Variants in YLPM1 observed in about 807,000 individuals in gnomAD.
YLPM1 encodes the protein YLP motif-containing protein 1.
Under a neutral mutation model 230.0 loss-of-function variants are expected in YLPM1, and 99 were observed. The ratio of observed to expected loss-of-function variants is 0.43; its 90% CI spans 0.37 to 0.51. The LOEUF (loss-of-function observed/expected upper bound fraction) is 0.51. YLPM1 is among the 20% of genes least tolerant of loss of function. The pLI is 0.00. For synonymous variants in YLPM1, 984 were observed against 942.5 expected, an observed-to-expected ratio of 1.04 and a Z score of -0.81; for missense variants, 2,592 against 2,707.7, an observed-to-expected ratio of 0.96 and a Z score of 0.95.
Position 74,797,666 on chromosome 14 carries a change from C to G in YLPM1, c.2369C>G (p.Pro790Arg), listed in dbSNP as rs1566750894. 3.1e-6 allele frequency: 5 copies of G among 1,599,350 alleles called. No homozygotes were observed. The highest frequency in any genetic ancestry group is 1.1e-5 in the South Asian group (1 of 90,124). The part of the protein sequence containing the change: ...PKGPRFEGNR[P>R]DGPRPRYEGH... ...GGGCCTCGTTTTGAAGGAAATCGCCCCGATGGGCCAAGACCCAGATATGAA... is the reference window on the plus strand; with the variant it reads ...GGGCCTCGTTTTGAAGGAAATCGCCGCGATGGGCCAAGACCCAGATATGAA... The change falls in exon 5 of 21, where the codon CCC (proline) becomes CGC (arginine). Residue 790 changes from proline (P) to arginine (R), a missense_variant. Pro to Arg is a moderately radical substitution (Grantham distance 103). Coordinates refer to ENST00000325680, the MANE Select transcript of YLPM1 (RefSeq NM_019589.3).
chr14:74,821,172 C>G, intron 17 of YLPM1, 35 bp downstream of exon 17: 1 of 1,517,606 alleles, frequency 6.6e-7, no homozygotes, highest in Non-Finnish European at 8.8e-7. Flanking sequence ...AACAGTGTCT[C>G]TTTATTAAAA....
intron 4 of YLPM1, among the ~76,000 whole-genome samples, chr14:74,787,391 C>A (rs2091160436): frequency 6.6e-6 from 1 of 150,452 alleles, no homozygotes; most frequent in African/African-American, 2.4e-5. Context: ...GGTGAAGCCC[C>A]AGCTCTACCA....
intron 11 of YLPM1, among the ~76,000 whole-genome samples, chr14:74,813,287 A>C (rs537266176): frequency 1.3e-5 from 2 of 152,186 alleles, no homozygotes; most frequent in African/African-American, 4.8e-5. Context: ...TTTGCCTACT[A>C]TTACTATATA....
chr14:74,772,218 T>C (rs113912797), intron 1 of YLPM1, among the ~76,000 whole-genome samples: 16 of 103,886 alleles, frequency 1.5e-4, no homozygotes, highest in African/African-American at 4.1e-4. Context: ...AACATCTTTC[T>C]TTTTTTTTTT....
intron 6 of YLPM1, among the ~76,000 whole-genome samples, chr14:74,806,555 C>T (rs964735001): frequency 6.6e-6 from 1 of 152,106 alleles, no homozygotes; most frequent in Non-Finnish European, 1.5e-5. Context: ...TGCGCTCCAG[C>T]CTGGGCAACA....
At chr14:74,818,904 A>T (rs1380207204) in intron 16 of YLPM1, among the ~76,000 whole-genome samples, 1 of 128,048 alleles carries the variant, frequency 7.8e-6, no homozygotes, top group Non-Finnish European at 1.9e-5. Context: ...CCTCAATTTG[A>T]ATTTGTCTGT....
intron 17 of YLPM1, among the ~76,000 whole-genome samples, chr14:74,823,165 T>TA (rs2091535942): frequency 6.6e-6 from 1 of 151,976 alleles, no homozygotes; most frequent in African/African-American, 2.4e-5. Context: ...AGTAAACTCT[T>TA]ACACAGAAGC....
intron 7 of YLPM1, 44 bp from the exon 8 acceptor site, chr14:74,809,866 T>G: frequency 2.5e-6 from 4 of 1,605,374 alleles, no homozygotes; most frequent in Non-Finnish European, 3.4e-6. Flanking sequence ...TAGCTTTCTC[T>G]AGCTTCACTC....
In YLPM1 at chr14:74,810,231, C is replaced by T; in HGVS notation, c.5039C>T (p.Ala1680Val). 6.2e-7 allele frequency: 1 copy of T among 1,613,066 alleles called. No individual in the cohort carries two copies. Among genetic ancestry groups the T allele is most frequent in the South Asian group, 1.1e-5 (1 of 90,972 alleles). Residue 1680 changes from alanine to valine, a missense_variant, in exon 9 of 21, where the codon GCA becomes GTA. By Grantham distance (64) the Ala-to-Val change is moderately conservative (BLOSUM62 0). Around this residue, in one of 4 missense-constraint regions of YLPM1, gnomAD observed 403 missense variants for 426.7 expected, o/e 0.94. Transcript: ENST00000325680. ...PERSTFETEH[A>V]GQRDRYDRER... The stretch of plus-strand genomic sequence containing the variant: ...GTACTAATTGTTTTTGTAGAGCATG[C>T]AGGCCAACGTGATCGTTATGATAGA...
chr14:74,785,961 A>C (rs1566744808), intron 4 of YLPM1, among the ~76,000 whole-genome samples: 1 of 152,144 alleles, frequency 6.6e-6, no homozygotes, highest in Non-Finnish European at 1.5e-5. Flanking sequence ...ATATCAATGG[A>C]TGTTGGTTTT....
intron 1 of YLPM1, among the ~76,000 whole-genome samples, chr14:74,768,307 T>A (rs2090934413): frequency 1.3e-5 from 2 of 152,196 alleles, no homozygotes; most frequent in South Asian, 4.1e-4. Flanking sequence ...TGGAGTGCAG[T>A]GGTGAAATCT....
At chr14:74,785,552 A>G (rs975940663) in intron 4 of YLPM1, among the ~76,000 whole-genome samples, 3 of 152,358 alleles carry the variant, frequency 2.0e-5, no homozygotes, top group Non-Finnish European at 4.4e-5. Flanking sequence ...GTGAGTGAAC[A>G]AGACTGAGGT....
At chr14:74,768,779 G>T (rs1261190416) in intron 1 of YLPM1, among the ~76,000 whole-genome samples, 2 of 152,122 alleles carry the variant, frequency 1.3e-5, no homozygotes, top group African/African-American at 2.4e-5. Flanking sequence ...TTTCAGTTGT[G>T]GGGGAAGGGA....
intron 1 of YLPM1, 52 bp from the exon 2 acceptor site, chr14:74,778,395 G>T (rs527938375): frequency 2.0e-6 from 3 of 1,493,482 alleles, no homozygotes; most frequent in South Asian, 2.5e-5. Flanking sequence ...ACACCAAGTT[G>T]CAGAGATACA....
At chr14:74,810,194 T>C in intron 8 of YLPM1, 31 bp from the exon 9 acceptor site, 2 of 1,600,590 alleles carry the variant, frequency 1.2e-6, no homozygotes, top group Admixed American at 1.7e-5. Context: ...ATAAAAGGGA[T>C]ATAGTTATTT....
intron 19 of YLPM1, among the ~76,000 whole-genome samples, chr14:74,831,336 G>A (rs1438954280): frequency 6.6e-6 from 1 of 152,134 alleles, no homozygotes; most frequent in African/African-American, 2.4e-5. Flanking sequence ...TTCAAAGGAT[G>A]GGTAAGGGAG....
rs1183559272 is a variant in YLPM1 at position 74,799,340 on chromosome 14, A to T, written c.4043A>T (p.Asp1348Val). The change falls in exon 5 of 21, where the codon GAT becomes GTT. Residue 1348 changes from aspartate (D) to valine (V), a missense_variant. By Grantham distance (152) the Asp-to-Val change is radical. This residue lies in a region of YLPM1 where 1,862 missense variants were observed against 1,819.8 expected (regional missense o/e 1.02). Coordinates refer to ENST00000325680, the MANE Select transcript of YLPM1 (RefSeq NM_019589.3). ...CTTCCACCTTTGGATAGATATCGGG[A>T]TGATAGATGGAGAGAAGAAAGAAAT... ...PPLPPLDRYR[D>V]DRWREERNRE... 7 of 1,613,894 alleles carry T rather than the reference A, an allele frequency of 4.3e-6. No homozygotes were observed. Among genetic ancestry groups the T allele is most frequent in the Non-Finnish European group, 5.9e-6 (7 of 1,179,872 alleles).
At chr14:74,766,940 G>C (rs946451836) in intron 1 of YLPM1, among the ~76,000 whole-genome samples, 8 of 146,140 alleles carry the variant, frequency 5.5e-5, no homozygotes, top group African/African-American at 2.0e-4. Context: ...CTGGAGTGCA[G>C]TGGCGCGATC....
intron 1 of YLPM1, among the ~76,000 whole-genome samples, chr14:74,775,018 A>G (rs2091020174): frequency 6.6e-6 from 1 of 152,262 alleles, no homozygotes; most frequent in Non-Finnish European, 1.5e-5. Flanking sequence ...CATAAAGTCG[A>G]AAAATCATAA....
Sources: allele counts gnomAD v4.1 joint callset (sites outside exome capture counted in the v4.1 genomes callset), GRCh38; gene constraint gnomAD v4.1.1; regional missense constraint gnomAD v4.1.1; transcripts MANE v1.5; gene names NCBI Gene and HGNC (gene_info 2026-07-23, HGNC 2026-07-21).